The following WDR93 variants were observed in gnomAD, a reference collection of about 807,000 sequenced individuals.
WDR93 encodes WD repeat-containing protein 93.
WDR93 carries 73 observed loss-of-function variants against 82.9 expected under a neutral mutation model. That is an observed-to-expected ratio of 0.88 (90% CI 0.73 to 1.07). WDR93 has a LOEUF of 1.07. WDR93 is among the 50% of genes least tolerant of loss of function. The probability of loss-of-function intolerance (pLI) is 0.00; values close to 1 mark genes in which losing one functional copy is unlikely to be tolerated. For missense variants in WDR93, 738 were observed against 826.0 expected (o/e 0.89, Z 1.31); for synonymous variants, 283 against 300.1 (o/e 0.94, Z 0.59).
At chr15:89,694,514 C>T (rs764039161) in intron 1 of WDR93, among the ~76,000 whole-genome samples, 4 of 152,076 alleles carry the variant, frequency 2.6e-5, no homozygotes, top group East Asian at 1.9e-4. Context: ...GGATTACAGG[C>T]GTGAGCCACT....
At chr15:89,734,648 C>T (rs1967012394) in intron 13 of WDR93, among the ~76,000 whole-genome samples, 2 of 152,106 alleles carry the variant, frequency 1.3e-5, no homozygotes, top group African/African-American at 2.4e-5. Context: ...ATCTACCACA[C>T]CATTTTTCTA....
chr15:89,695,296 T>A (rs1258134284), intron 1 of WDR93, among the ~76,000 whole-genome samples: 1 of 152,214 alleles, frequency 6.6e-6, no homozygotes, highest in Non-Finnish European at 1.5e-5. Context: ...TTAGGTCTTC[T>A]TTAATTTCTG....
chr15:89,708,930 G>T (rs1462501140), intron 4 of WDR93, among the ~76,000 whole-genome samples: 35 of 152,248 alleles, frequency 2.3e-4, no homozygotes, highest in Non-Finnish European at 4.4e-5. Context: ...AGCTGGCCCA[G>T]GCATGGGCTT....
rs1471251610 is a variant in WDR93 at position 89,715,095 on chromosome 15, G to A, written c.756G>A (p.Leu252=). 1 of 1,612,784 alleles carries A rather than the reference G, an allele frequency of 6.2e-7. No individual in the cohort carries two copies. The highest frequency in any genetic ancestry group is 2.2e-5 in the East Asian group (1 of 44,868). The change falls in exon 6 of 17, where the codon CTG becomes CTA. Residue 252 remains leucine (L), a splice_region_variant and synonymous_variant. Transcript: ENST00000268130. The part of the protein sequence containing the change: ...NPKKKVRQPQ[L]NSLGPISADP... ...AGAAAAAAGTCAGACAGCCGCAACTGGTAGGAAATATCTCTGCTTTCAGCT... is the reference window on the plus strand; with the variant it reads ...AGAAAAAAGTCAGACAGCCGCAACTAGTAGGAAATATCTCTGCTTTCAGCT...
chr15:89,713,717 C>T (rs1966108701), intron 5 of WDR93, among the ~76,000 whole-genome samples: 1 of 152,130 alleles, frequency 6.6e-6, no homozygotes, highest in South Asian at 2.1e-4. Context: ...AGGTGATCCG[C>T]CCGCCTCGGC....
intron 14 of WDR93, among the ~76,000 whole-genome samples, 186 bp downstream of exon 14, chr15:89,735,739 A>G (rs1466820728): frequency 2.0e-5 from 3 of 152,256 alleles, no homozygotes; most frequent in Admixed American, 2.0e-4. Flanking sequence ...TCATTTGGGA[A>G]GACAGAGAAG....
At chr15:89,724,435 C>T (rs1596104988) in intron 8 of WDR93, among the ~76,000 whole-genome samples, 1 of 152,018 alleles carries the variant, frequency 6.6e-6, no homozygotes, top group African/African-American at 2.4e-5. Context: ...AAAGTACTTA[C>T]AATTTTTAAA....
intron 16 of WDR93, 66 bp from the exon 17 acceptor site, chr15:89,743,226 C>T (rs1224888623): frequency 6.5e-7 from 1 of 1,544,846 alleles, no homozygotes; most frequent in Non-Finnish European, 8.9e-7. Flanking sequence ...TCGAGGTCTG[C>T]CCTGGGGGCT....
At chr15:89,721,999 T>A in intron 7 of WDR93, 56 bp from the exon 8 acceptor site, 1 of 1,180,508 alleles carries the variant, frequency 8.5e-7, no homozygotes, top group Non-Finnish European at 1.2e-6. Flanking sequence ...GTATTTTTAA[T>A]TATTCTATTT....
chr15:89,712,779 T>C (rs1430719390), intron 5 of WDR93, among the ~76,000 whole-genome samples: 1 of 152,150 alleles, frequency 6.6e-6, no homozygotes, highest in African/African-American at 2.4e-5. Flanking sequence ...TCCCATCCTC[T>C]GTAAGGAGCA....
intron 11 of WDR93, among the ~76,000 whole-genome samples, chr15:89,730,687 G>A (rs1043981833): frequency 3.3e-5 from 5 of 152,180 alleles, no homozygotes; most frequent in African/African-American, 9.7e-5. Context: ...CTTGAGCCCA[G>A]GAGTTTGAAA....
chr15:89,733,187 C>G lies in WDR93; in HGVS notation c.1512C>G (p.Thr504=). 6.2e-7 allele frequency: 1 copy of G among 1,613,980 alleles called. No individual in the cohort carries two copies. The highest frequency in any genetic ancestry group is 2.2e-5 in the East Asian group (1 of 44,880). ...TCCATCTGGTGGAGGCTAGCGGGAC[C>G]CAAGGACCCACCATCAGTGTGCTTG... ...ASLHLVEASG[T]QGPTISVLVE... Residue 504 remains threonine (T), a synonymous_variant, in exon 13 of 17, where the codon ACC becomes ACG. Coordinates refer to ENST00000268130, the MANE Select transcript of WDR93 (RefSeq NM_020212.2).
At position 89,694,933 on chromosome 15, in the gene WDR93, A is replaced by T. The variant is rs1965091465; in HGVS notation, c.-41+4076A>T. ...TGCTCCAGCATTATTTGCTGAAAAG[A>T]ATATCCTTTTTCCACCGAATTGTCT... On this transcript the variant is annotated intron_variant, in intron 1 of 16. Transcript: ENST00000268130. 2.0e-5 allele frequency among the ~76,000 whole-genome samples: 3 copies of T among 152,216 alleles called. No individual in the cohort carries two copies. In the South Asian group the frequency reaches 6.2e-4, roughly 32 times the overall value.
chr15:89,690,535 T>G, upstream of WDR93: 1 of 1,489,828 alleles, frequency 6.7e-7, no homozygotes, highest in Non-Finnish European at 9.1e-7. Flanking sequence ...GGGAGCCGAG[T>G]TAGGGCGAGA....
intron 1 of WDR93, among the ~76,000 whole-genome samples, chr15:89,697,352 AC>A (rs1965232393): frequency 6.6e-6 from 1 of 152,158 alleles, no homozygotes; most frequent in Non-Finnish European, 1.5e-5. Context: ...CTGAGTATCT[AC>A]CCTAGGAGCA....
chr15:89,707,936 A>T (rs1200744610), intron 4 of WDR93, among the ~76,000 whole-genome samples: 1 of 152,290 alleles, frequency 6.6e-6, no homozygotes, highest in Non-Finnish European at 1.5e-5. Context: ...TGGTGTATCC[A>T]TACAATGGGA....
Position 89,737,676 on chromosome 15 carries a change from C to T in WDR93, c.1712C>T (p.Pro571Leu), listed in dbSNP as rs371895950. The T allele has an allele frequency of 3.5e-5, 57 of 1,614,068 alleles. No homozygotes were observed. The highest frequency in any genetic ancestry group is 3.4e-6 in the Non-Finnish European group (4 of 1,180,050). The change falls in exon 15 of 17, where the codon CCC becomes CTC. Residue 571 changes from proline (P) to leucine (L), a missense_variant. Coordinates refer to ENST00000268130, the MANE Select transcript of WDR93 (RefSeq NM_020212.2). ...APPGAFPLEVPWKPVFAVSPD... is the reference protein window; with the variant it reads ...APPGAFPLEVLWKPVFAVSPD... ...CCGGGAGCCTTTCCTCTGGAGGTCC[C>T]CTGGAAGCCAGTGTTTGCTGTGTCT...
At chr15:89,735,362 A>G (rs1967079596) in intron 13 of WDR93, 128 bp from the exon 14 acceptor site, 5 of 859,392 alleles carry the variant, frequency 5.8e-6, no homozygotes, top group Non-Finnish European at 9.3e-6. Context: ...ATTTTTTGCT[A>G]CTATGAACAG....
chr15:89,701,112 G>T (rs1965440068), intron 1 of WDR93, among the ~76,000 whole-genome samples: 1 of 152,144 alleles, frequency 6.6e-6, no homozygotes, highest in African/African-American at 2.4e-5. Flanking sequence ...AGAAGTGGAA[G>T]TTTATGGGTC....
Sources: allele counts gnomAD v4.1 joint callset (sites outside exome capture counted in the v4.1 genomes callset), GRCh38; gene constraint gnomAD v4.1.1; transcripts MANE v1.5; gene names NCBI Gene and HGNC (gene_info 2026-07-23, HGNC 2026-07-21).